Variants in NFIB observed in about 807,000 individuals in gnomAD.
The protein encoded by NFIB is nuclear factor 1 B-type.
Under a neutral mutation model 61.5 loss-of-function variants are expected in NFIB, and 11 were observed. The observed-to-expected ratio is 0.18, with a 90% CI of 0.11 to 0.30. The LOEUF (loss-of-function observed/expected upper bound fraction) is 0.30. Ranked by LOEUF, NFIB falls within the 10% of genes least tolerant of loss-of-function variation. The probability of loss-of-function intolerance (pLI) is 1.00; values close to 1 mark genes in which losing one functional copy is unlikely to be tolerated. For synonymous variants in NFIB, 260 were observed against 216.5 expected (o/e 1.20, Z -1.76); for missense variants, 471 against 608.9 (o/e 0.77, Z 2.38).
intron 1 of NFIB, among the ~76,000 whole-genome samples, chr9:14,374,884 T>G (rs2061399822): frequency 1.3e-5 from 2 of 152,094 alleles, no homozygotes; most frequent in African/African-American, 2.4e-5. Flanking sequence ...CACTCCAGCC[T>G]GGGCAACAGA....
At chr9:14,241,924 A>G (rs2054402126) in intron 2 of NFIB, among the ~76,000 whole-genome samples, 1 of 152,196 alleles carries the variant, frequency 6.6e-6, no homozygotes, top group Admixed American at 6.5e-5. Flanking sequence ...TATATACATA[A>G]GATCACAAGA....
rs113617568 is a variant in NFIB at position 14,350,739 on chromosome 9, G to A, written c.109-43219C>T. Among the ~76,000 whole-genome samples the A allele has an allele frequency of 3.0e-3, 458 of 152,308 alleles. 8 individuals carry two copies. The South Asian group carries it at 0.032, about 11-fold the overall frequency. On this transcript the variant is annotated intron_variant, in intron 1 of 8. Transcript: ENST00000380934. ...TACCTTATGGGCGCTGATCGTGAGA[G>A]TGGGGGCTAGGGATTCCTCCCTGGG...
the NFIB span, among the ~76,000 whole-genome samples, chr9:14,453,993 G>A: frequency 3.3e-5 from 5 of 151,934 alleles, no homozygotes; most frequent in South Asian, 2.1e-4. Context: ...CAGGAGAATC[G>A]CTTGAACCCG....
At chr9:14,181,192 T>G (rs908333753) in intron 2 of NFIB, among the ~76,000 whole-genome samples, 1 of 152,210 alleles carries the variant, frequency 6.6e-6, no homozygotes, top group African/African-American at 2.4e-5. Flanking sequence ...CCTGTTAGCT[T>G]AGATTTAATG....
chr9:14,384,177 C>G (rs1288083487), intron 1 of NFIB, among the ~76,000 whole-genome samples: 2 of 152,158 alleles, frequency 1.3e-5, no homozygotes, highest in Admixed American at 1.3e-4. Flanking sequence ...TGACAGCTCC[C>G]GAAATCTCAT....
chr9:14,122,876 C>T (rs1308419881), intron 7 of NFIB, among the ~76,000 whole-genome samples: 1 of 152,096 alleles, frequency 6.6e-6, no homozygotes, highest in Non-Finnish European at 1.5e-5. Flanking sequence ...GGCCTGATAC[C>T]ACTGGGTAAA....
intron 1 of NFIB, among the ~76,000 whole-genome samples, chr9:14,350,896 G>C (rs144178368): frequency 6.6e-6 from 1 of 152,084 alleles, no homozygotes; most frequent in African/African-American, 2.4e-5. Context: ...TTCGACAGGC[G>C]GTGCTGCTTT....
the NFIB span, among the ~76,000 whole-genome samples, chr9:14,509,312 T>A: frequency 6.6e-6 from 1 of 152,224 alleles, no homozygotes; most frequent in African/African-American, 2.4e-5. Context: ...TTCTGCAGAA[T>A]ATGAATGATA....
At position 14,085,920 on chromosome 9, in the gene NFIB, A is replaced by C. The variant is rs2032800921; in HGVS notation, c.*2389T>G. On this transcript the variant is annotated 3_prime_UTR_variant, in exon 11 of 11. Coordinates refer to ENST00000380953, the MANE Select transcript of NFIB (RefSeq NM_001190737.2). ...ATCCCCTATGTGGACATTTCAACAA[A>C]TATTTTTGCCAAATATGAGACAGGC... is the stretch of plus-strand genomic sequence containing the variant. The C allele has an allele frequency of 4.4e-6, 1 of 227,852 alleles. No homozygotes were observed. The highest frequency in any genetic ancestry group is 2.2e-5 in the African/African-American group (1 of 45,058). 14.1% of individuals were successfully genotyped at this position (227,852 alleles called of 1,614,324 possible). A position where few individuals can be genotyped will look rare whatever the true frequency, so the allele number is the denominator to read the frequency against.
rs148879195 is a variant in NFIB, at chr9:14,332,936, G to T, written c.109-25416C>A. Among the ~76,000 whole-genome samples, 690 of 152,302 alleles carry T rather than the reference G, an allele frequency of 4.5e-3. 6 individuals carry two copies. Among genetic ancestry groups the T allele is most frequent in the African/African-American group, 0.016 (676 of 41,564 alleles). Reference sequence around the variant, plus strand: ...GTGGTCTGATAATTCTAGAAGTCTTGCAGGAAGGCTTTTATCAAAAGAAGG... The same window carrying T: ...GTGGTCTGATAATTCTAGAAGTCTTTCAGGAAGGCTTTTATCAAAAGAAGG... On this transcript the variant is annotated intron_variant, in intron 1 of 8. Transcript: ENST00000380934.
At chr9:14,265,684 A>C (rs555200709) in intron 2 of NFIB, among the ~76,000 whole-genome samples, 1 of 152,308 alleles carries the variant, frequency 6.6e-6, no homozygotes, top group African/African-American at 2.4e-5. Context: ...CTGAGACAGC[A>C]TTCCTCTCCC....
intron 2 of NFIB, among the ~76,000 whole-genome samples, chr9:14,286,950 A>C (rs1039766982): frequency 6.6e-6 from 1 of 152,214 alleles, no homozygotes; most frequent in Non-Finnish European, 1.5e-5. Flanking sequence ...TCACCTTATA[A>C]GAGAACAAGG....
rs943550478 is a variant in NFIB at position 14,085,336 on chromosome 9, T to C, written c.*2973A>G. 6.7e-5 allele frequency: 15 copies of C among 225,264 alleles called. No individual in the cohort carries two copies. The Admixed American group carries it at 6.9e-4, about 10-fold the overall frequency. The allele number at this position is 225,264 out of a possible 1,614,324, so 14.0% of individuals were successfully genotyped here. ...AAGACAGCCTACCATGTGTCACCAA[T>C]TCTGAAAGATTTTCCTTCTAGTAAT... On this transcript the variant is annotated 3_prime_UTR_variant, in exon 11 of 11. Transcript: ENST00000380953.
intron 2 of NFIB, among the ~76,000 whole-genome samples, chr9:14,243,263 G>A (rs2054536338): frequency 6.6e-6 from 1 of 151,888 alleles, no homozygotes. Context: ...CATATGAAGT[G>A]GAAAAAAGAT....
At chr9:14,264,059 T>C (rs774214522) in intron 2 of NFIB, among the ~76,000 whole-genome samples, 4 of 152,148 alleles carry the variant, frequency 2.6e-5, no homozygotes, top group African/African-American at 9.7e-5. Context: ...TTTATTTTAA[T>C]GTACAAAGGA....
At chr9:14,314,821 T>TGCC (rs2060465357), upstream of NFIB, among the ~76,000 whole-genome samples, 1 of 150,210 alleles carries the variant, frequency 6.7e-6, no homozygotes, top group African/African-American at 2.5e-5. Flanking sequence ...TAGCTCTTCT[T>TGCC]TCCGCTGCCC....
chr9:14,187,306 G>A (rs781032231), intron 2 of NFIB, among the ~76,000 whole-genome samples: 1 of 152,014 alleles, frequency 6.6e-6, no homozygotes, highest in African/African-American at 2.4e-5. Flanking sequence ...TGAGCAATAA[G>A]AGAAATTAGA....
intron 2 of NFIB, among the ~76,000 whole-genome samples, chr9:14,250,689 C>A (rs564610825): frequency 6.6e-6 from 1 of 152,130 alleles, no homozygotes; most frequent in African/African-American, 2.4e-5. Flanking sequence ...AATTCATCAC[C>A]GGGATTACAG....
At chr9:14,164,759 G>A (rs898360100) in intron 3 of NFIB, among the ~76,000 whole-genome samples, 1 of 152,140 alleles carries the variant, frequency 6.6e-6, no homozygotes, top group Non-Finnish European at 1.5e-5. Context: ...TAGTGTAGTG[G>A]TTGCCAAATT....
Sources: allele counts gnomAD v4.1 joint callset (sites outside exome capture counted in the v4.1 genomes callset), GRCh38; gene constraint gnomAD v4.1.1; transcripts MANE v1.5; gene names NCBI Gene and HGNC (gene_info 2026-07-23, HGNC 2026-07-21).